KIF6: variants seen among roughly 807,000 people sequenced by gnomAD.
The protein encoded by KIF6 is kinesin family member 6.
A neutral mutation model predicts 112.7 loss-of-function variants in KIF6; 106 were observed. That is an observed-to-expected ratio of 0.94 (90% CI 0.80 to 1.11). The LOEUF is 1.11. KIF6 is among the 50% of genes least tolerant of loss of function. The pLI is 0.00. For missense variants in KIF6, 929 were observed against 964.0 expected, an observed-to-expected ratio of 0.96 and a Z score of 0.48; for synonymous variants, 339 against 339.9, an observed-to-expected ratio of 1.00 and a Z score of 0.03.
At chr6:39,595,119 C>T (rs1169579028) in intron 7 of KIF6, among the ~76,000 whole-genome samples, 1 of 152,160 alleles carries the variant, frequency 6.6e-6, no homozygotes, top group Non-Finnish European at 1.5e-5. Context: ...ACAAGGCTAA[C>T]AGAACCATCA....
intron 13 of KIF6, among the ~76,000 whole-genome samples, chr6:39,498,461 T>G (rs1262027867): frequency 6.6e-6 from 1 of 152,190 alleles, no homozygotes; most frequent in African/African-American, 2.4e-5. Context: ...GAAGGGTGGA[T>G]GGCTACAAAT....
chr6:39,604,433 T>C (rs928705931), intron 6 of KIF6, among the ~76,000 whole-genome samples: 1 of 152,286 alleles, frequency 6.6e-6, no homozygotes. Context: ...CTTGAACTTT[T>C]CTGGAGTTGT....
At chr6:39,416,894 C>T (rs1243931608) in intron 15 of KIF6, among the ~76,000 whole-genome samples, 1 of 152,072 alleles carries the variant, frequency 6.6e-6, no homozygotes, top group African/African-American at 2.4e-5. Flanking sequence ...ACGTGTGTAC[C>T]CCTCGGCATC....
At chr6:39,495,323 A>G (rs930977708) in intron 13 of KIF6, among the ~76,000 whole-genome samples, 8 of 152,182 alleles carry the variant, frequency 5.3e-5, no homozygotes, top group Non-Finnish European at 7.3e-5. Flanking sequence ...GCAGCAGCCC[A>G]TATGTCCGCG....
intron 10 of KIF6, among the ~76,000 whole-genome samples, chr6:39,559,887 A>C (rs1307388924): frequency 6.6e-6 from 1 of 152,202 alleles, no homozygotes; most frequent in African/African-American, 2.4e-5. Flanking sequence ...TTAAGGCAAA[A>C]CTATTCATCA....
At chr6:39,555,298 C>A (rs868329586) in intron 10 of KIF6, among the ~76,000 whole-genome samples, 2 of 152,152 alleles carry the variant, frequency 1.3e-5, no homozygotes, top group South Asian at 4.1e-4. Flanking sequence ...CAAGGCAGCC[C>A]GGCCAGCCCA....
Position 39,333,483 on chromosome 6 carries a change from GC to G in KIF6, c.*3048del, listed in dbSNP as rs1376005894. 1 of 152,236 alleles carries G rather than the reference GC, an allele frequency of 6.6e-6. No homozygotes were observed. The highest frequency in any genetic ancestry group is 1.5e-5 in the Non-Finnish European group (1 of 68,074). 9.4% of individuals were successfully genotyped at this position (152,236 alleles called of 1,614,324 possible). ...TCTCTGGATGTTCCAGGCTGAAGGG[GC>G]AGCAGCTACCCATGGCATGTTCATC... On this transcript the variant is annotated 3_prime_UTR_variant, in exon 23 of 23. Transcript: ENST00000287152.
At chr6:39,657,186 T>G (rs866560129) in intron 3 of KIF6, among the ~76,000 whole-genome samples, 1 of 147,388 alleles carries the variant, frequency 6.8e-6, no homozygotes, top group Non-Finnish European at 1.5e-5. Flanking sequence ...TGAGCAGAGA[T>G]AGCACCAGTG....
Position 39,331,406 on chromosome 6 carries a change from A to C in KIF6, c.*5126T>G, listed in dbSNP as rs959491353. The C allele has an allele frequency of 6.6e-6, 1 of 150,642 alleles. No individual in the cohort carries two copies. Among genetic ancestry groups the C allele is most frequent in the African/African-American group, 2.5e-5 (1 of 40,764 alleles). The allele number at this position is 150,642 out of a possible 1,614,324, so 9.3% of individuals were successfully genotyped here. ...CCTCTCTTTTTTTTTTTTTCAGAGA[A>C]GGAGTCTCGCTCTTGTTGCCCAGGT... On this transcript the variant is annotated 3_prime_UTR_variant, in exon 23 of 23. Coordinates refer to ENST00000287152, the MANE Select transcript of KIF6 (RefSeq NM_145027.6).
chr6:39,690,191 T>C (rs1326295530), intron 3 of KIF6: 2 of 152,206 alleles, frequency 1.3e-5, no homozygotes, highest in East Asian at 1.9e-4. Flanking sequence ...CTTTTATCTG[T>C]ATGCCAAATG....
chr6:39,453,635 C>T (rs767244521), intron 13 of KIF6, among the ~76,000 whole-genome samples: 8 of 152,150 alleles, frequency 5.3e-5, no homozygotes, highest in African/African-American at 1.4e-4. Flanking sequence ...ATCCATTAAT[C>T]GATCACCCAA....
intron 3 of KIF6, among the ~76,000 whole-genome samples, chr6:39,708,892 A>AT (rs1377774086): frequency 2.4e-4 from 35 of 148,134 alleles, no homozygotes; most frequent in Middle Eastern, 3.5e-3. Flanking sequence ...ACAACACTAG[A>AT]TAAAAAAAAA....
chr6:39,538,794 A>G (rs1297747192), intron 13 of KIF6, among the ~76,000 whole-genome samples: 1 of 148,286 alleles, frequency 6.7e-6, no homozygotes, highest in East Asian at 2.0e-4. Context: ...ACTATTCACA[A>G]TAGCAAAGAC....
At chr6:39,445,918 T>G (rs1772279928) in intron 13 of KIF6, among the ~76,000 whole-genome samples, 1 of 152,210 alleles carries the variant, frequency 6.6e-6, no homozygotes, top group African/African-American at 2.4e-5. Context: ...GACCAGACAC[T>G]GCACCCTCAA....
At chr6:39,346,082 C>CTG (rs1763721302) in intron 20 of KIF6, among the ~76,000 whole-genome samples, 1 of 19,952 alleles carries the variant, frequency 5.0e-5, no homozygotes, top group Admixed American at 4.2e-4. Context: ...CTCTCTCTCT[C>CTG]TCTCCCCCCC....
chr6:39,642,793 T>C (rs997554204), intron 3 of KIF6, among the ~76,000 whole-genome samples: 2 of 152,152 alleles, frequency 1.3e-5, no homozygotes, highest in Admixed American at 1.3e-4. Context: ...TGTGCAGGAC[T>C]ATATGTATGC....
intron 13 of KIF6, among the ~76,000 whole-genome samples, chr6:39,527,506 T>A (rs1268729691): frequency 6.6e-6 from 1 of 152,072 alleles, no homozygotes; most frequent in Non-Finnish European, 1.5e-5. Flanking sequence ...GGTGGTTCTC[T>A]TACAACCAAA....
At chr6:39,538,887 AT>A (rs1186377063) in intron 13 of KIF6, among the ~76,000 whole-genome samples, 1 of 151,010 alleles carries the variant, frequency 6.6e-6, no homozygotes, top group Non-Finnish European at 1.5e-5. Context: ...CTATGCAGCC[AT>A]AAAAAATGAT....
At chr6:39,529,902 A>C (rs568392013) in intron 13 of KIF6, among the ~76,000 whole-genome samples, 1 of 152,240 alleles carries the variant, frequency 6.6e-6, no homozygotes, top group Non-Finnish European at 1.5e-5. Context: ...AATTCTGCCC[A>C]TCCTTTGAGA....
Sources: allele counts gnomAD v4.1 joint callset (sites outside exome capture counted in the v4.1 genomes callset), GRCh38; gene constraint gnomAD v4.1.1; transcripts MANE v1.5; gene names NCBI Gene and HGNC (gene_info 2026-07-23, HGNC 2026-07-21).